CADM2: variants seen among roughly 807,000 people sequenced by gnomAD.
The protein encoded by CADM2 is immunoglobulin superfamily member 4D.
Under a neutral mutation model 49.8 loss-of-function variants are expected in CADM2, and 12 were observed. The ratio of observed to expected loss-of-function variants is 0.24; its 90% confidence interval spans 0.15 to 0.39. The LOEUF (loss-of-function observed/expected upper bound fraction) is 0.39. Among genes scored for constraint, CADM2 ranks in the 10% least tolerant of loss-of-function variants. The pLI is 1.00. For synonymous variants in CADM2, 214 were observed against 175.4 expected (o/e 1.22, Z -1.74); for missense variants, 378 against 492.3 (o/e 0.77, Z 2.20).
chr3:85,964,171 G>A (rs965856711), intron 8 of CADM2, among the ~76,000 whole-genome samples: 23 of 151,786 alleles, frequency 1.5e-4, no homozygotes, highest in Non-Finnish European at 3.2e-4. Context: ...GTGGCATTTC[G>A]ATCTATAATG....
intron 8 of CADM2, among the ~76,000 whole-genome samples, chr3:86,046,411 C>T (rs570162064): frequency 2.6e-5 from 4 of 152,194 alleles, no homozygotes; most frequent in South Asian, 2.1e-4. Context: ...TCTCCATAGA[C>T]GCTGCCCTTT....
At position 84,963,517 on chromosome 3, in the gene CADM2, G is replaced by A. The variant is rs116816350; in HGVS notation, c.61+3849G>A. Reference sequence around the variant, plus strand: ...CTGTGTTTACTTTTTGGAATTAGTCGTATAAAAAAGCACCTCCAAGACAGA... The same window carrying A: ...CTGTGTTTACTTTTTGGAATTAGTCATATAAAAAAGCACCTCCAAGACAGA... On this transcript the variant is annotated intron_variant, in intron 1 of 9. Transcript: ENST00000383699. Among the ~76,000 whole-genome samples, 272 of 152,150 alleles carry A rather than the reference G, an allele frequency of 1.8e-3. 1 individual carries two copies. The highest frequency in any genetic ancestry group is 3.3e-3 in the Non-Finnish European group (221 of 67,978).
intron 1 of CADM2, among the ~76,000 whole-genome samples, chr3:85,344,305 C>T (rs992766363): frequency 3.3e-5 from 5 of 151,498 alleles, no homozygotes; most frequent in African/African-American, 4.9e-5. Flanking sequence ...TGCTTGAACT[C>T]GGGAACTGGA....
At chr3:85,279,801 T>C (rs1472026968) in intron 1 of CADM2, among the ~76,000 whole-genome samples, 1 of 151,676 alleles carries the variant, frequency 6.6e-6, no homozygotes, top group Admixed American at 6.6e-5. Context: ...ATCACTGGTC[T>C]TTAAAAGAAA....
intron 1 of CADM2, among the ~76,000 whole-genome samples, chr3:85,124,924 T>C (rs1252766743): frequency 6.6e-6 from 1 of 152,156 alleles, no homozygotes; most frequent in Admixed American, 6.5e-5. Flanking sequence ...AAATTGAAAA[T>C]TGTTAAGTTG....
chr3:85,222,278 A>T (rs1332647020), intron 1 of CADM2, among the ~76,000 whole-genome samples: 1 of 152,086 alleles, frequency 6.6e-6, no homozygotes, highest in Non-Finnish European at 1.5e-5. Context: ...TGGTGTTGAG[A>T]CCTCATTTCT....
chr3:85,645,518 G>A lies in CADM2; in HGVS notation c.62-81004G>A, dbSNP rs530458169. Among the ~76,000 whole-genome samples the A allele has an allele frequency of 1.2e-3, 176 of 151,942 alleles. 2 individuals carry two copies. Among genetic ancestry groups the A allele is most frequent in the Non-Finnish European group, 1.8e-3 (125 of 67,898 alleles). ...AAATTTGCTTTTACTGGTCTTATTA[G>A]TAAGGTGGTTATGCTAGAACTATAT... On this transcript the variant is annotated intron_variant, in intron 1 of 9. Transcript: ENST00000383699.
chr3:85,869,804 GC>G (rs1225398311), intron 3 of CADM2, among the ~76,000 whole-genome samples: 3 of 152,134 alleles, frequency 2.0e-5, no homozygotes, highest in Non-Finnish European at 4.4e-5. Flanking sequence ...GACTACAGGT[GC>G]CCGCCACCAC....
At chr3:85,084,452 T>C (rs1035285158) in intron 1 of CADM2, among the ~76,000 whole-genome samples, 1 of 152,144 alleles carries the variant, frequency 6.6e-6, no homozygotes, top group Non-Finnish European at 1.5e-5. Flanking sequence ...CAAAATAACT[T>C]CAGTATAGGA....
chr3:85,309,568 G>C (rs2044294260), intron 1 of CADM2, among the ~76,000 whole-genome samples: 1 of 152,114 alleles, frequency 6.6e-6, no homozygotes. Context: ...GTAAATATTA[G>C]CTATTATTTT....
intron 1 of CADM2, among the ~76,000 whole-genome samples, chr3:85,343,506 T>C (rs1466637972): frequency 6.6e-6 from 1 of 152,192 alleles, no homozygotes; most frequent in Admixed American, 6.5e-5. Flanking sequence ...ATGAGAATTT[T>C]CTTTGACTCA....
intron 1 of CADM2, among the ~76,000 whole-genome samples, chr3:85,076,171 C>G (rs1405578819): frequency 6.6e-6 from 1 of 151,992 alleles, no homozygotes; most frequent in Non-Finnish European, 1.5e-5. Flanking sequence ...ATCCTCCCTG[C>G]ATAACTAAAG....
chr3:85,473,445 G>A (rs1349747256), intron 1 of CADM2, among the ~76,000 whole-genome samples: 4 of 152,008 alleles, frequency 2.6e-5, no homozygotes, highest in Non-Finnish European at 5.9e-5. Flanking sequence ...TAATTAGGCA[G>A]TGAAATCATC....
chr3:85,274,391 A>C (rs1224476407), intron 1 of CADM2, among the ~76,000 whole-genome samples: 2 of 151,534 alleles, frequency 1.3e-5, no homozygotes, highest in Non-Finnish European at 3.0e-5. Flanking sequence ...GAATTGCTAC[A>C]GTGATGTCTT....
chr3:85,330,629 A>T (rs1021290103), intron 1 of CADM2, among the ~76,000 whole-genome samples: 8 of 151,910 alleles, frequency 5.3e-5, no homozygotes, highest in Non-Finnish European at 1.2e-4. Context: ...TTATAAATCC[A>T]CCCTAACTTA....
At chr3:85,323,001 A>T (rs1197149984) in intron 1 of CADM2, among the ~76,000 whole-genome samples, 2 of 152,150 alleles carry the variant, frequency 1.3e-5, no homozygotes, top group Admixed American at 1.3e-4. Context: ...CCTCTGTCTG[A>T]GTTTGTCCAT....
intron 2 of CADM2, among the ~76,000 whole-genome samples, chr3:85,777,986 G>T (rs1329331067): frequency 6.6e-6 from 1 of 152,012 alleles, no homozygotes; most frequent in Non-Finnish European, 1.5e-5. Context: ...TCAACACCTC[G>T]ACCAGTGAAC....
rs1020832510 is a variant in CADM2 at position 85,525,525 on chromosome 3, G to T, written c.62-200997G>T. Among the ~76,000 whole-genome samples the T allele has an allele frequency of 3.3e-5, 5 of 152,126 alleles. No homozygotes were observed. The East Asian group carries it at 9.7e-4, about 29-fold the overall frequency. ...TGCTGTGTCTTAGTTTATCCTATTT[G>T]TGTCTTTATAGTTGAAATATGTTCC... On this transcript the variant is annotated intron_variant, in intron 1 of 9. Transcript: ENST00000383699.
chr3:85,098,833 A>T (rs9845483), intron 1 of CADM2, among the ~76,000 whole-genome samples: 1 of 152,202 alleles, frequency 6.6e-6, no homozygotes, highest in African/African-American at 2.4e-5. Context: ...AAATCCGCGT[A>T]TAAGTGGAGC....
Sources: gnomAD v4.1 joint callset for allele counts (sites outside exome capture counted in the v4.1 genomes callset) on GRCh38, gnomAD v4.1.1 for gene constraint, MANE v1.5 for transcripts, NCBI Gene and HGNC (gene_info 2026-07-23, HGNC 2026-07-21) for gene names.